CEP120: variants seen among roughly 807,000 people sequenced by gnomAD.
CEP120 encodes the protein centrosomal protein 120.
In CEP120, 113 loss-of-function variants were observed where a neutral mutation model predicts 126.5. The observed-to-expected ratio is 0.89, with a 90% CI of 0.77 to 1.04. The LOEUF (loss-of-function observed/expected upper bound fraction) is 1.04. Among genes scored for constraint, CEP120 ranks in the 50% least tolerant of loss-of-function variants. The probability of loss-of-function intolerance (pLI) is 0.00; values close to 1 mark genes in which losing one functional copy is unlikely to be tolerated. For synonymous variants in CEP120, 400 were observed against 394.3 expected, an observed-to-expected ratio of 1.01 and a Z score of -0.17; for missense variants, 1,230 against 1,155.7, an observed-to-expected ratio of 1.06 and a Z score of -0.93.
rs1272142030 is a variant in CEP120 at position 123,344,946 on chromosome 5, A to G, written c.*1573T>C. The G allele has an allele frequency of 2.6e-5, 4 of 152,190 alleles. No homozygotes were observed. The highest frequency in any genetic ancestry group is 1.5e-5 in the Non-Finnish European group (1 of 68,028). The allele number at this position is 152,190 out of a possible 1,614,324, so 9.4% of individuals were successfully genotyped here. A position where few individuals can be genotyped will look rare whatever the true frequency, so the allele number is the denominator to read the frequency against. On this transcript the variant is annotated 3_prime_UTR_variant, in exon 20 of 20. Coordinates refer to ENST00000306467, the MANE Select transcript of CEP120 (RefSeq NM_001375405.1). Reference sequence around the variant, plus strand: ...TTACAATAGCCAAAAGAGCTTTACAAAAGGCAAAATAAACTACACATCCAT... The same window carrying G: ...TTACAATAGCCAAAAGAGCTTTACAGAAGGCAAAATAAACTACACATCCAT...
intron 18 of CEP120, among the ~76,000 whole-genome samples, chr5:123,359,467 G>A (rs924070490): frequency 6.6e-6 from 1 of 152,034 alleles, no homozygotes; most frequent in Non-Finnish European, 1.5e-5. Flanking sequence ...GCACAAGTAG[G>A]AAAGCAGACA....
At position 123,349,953 on chromosome 5, in the gene CEP120, T is replaced by C; in HGVS notation, c.2717A>G (p.Glu906Gly). ...ERQELLDIRN[E>G]LNRLRQQEQK... ...CTTTTAGTTATTATACCTGTTCAAT[T>C]CATTTCTTATATCCAACAATTCTTG... The change falls in exon 19 of 20, where the codon GAA becomes GGA. Residue 906 changes from glutamate to glycine, a missense_variant. Physicochemically the swap from Glu to Gly is moderately conservative, Grantham distance 98. Coordinates refer to ENST00000306467, the MANE Select transcript of CEP120 (RefSeq NM_001375405.1). 1.9e-6 allele frequency: 3 copies of C among 1,613,322 alleles called. No individual in the cohort carries two copies. Among genetic ancestry groups the C allele is most frequent in the Non-Finnish European group, 2.5e-6 (3 of 1,179,742 alleles).
intron 4 of CEP120, chr5:123,402,171 C>A: frequency 1.9e-6 from 3 of 1,580,464 alleles, no homozygotes; most frequent in South Asian, 2.2e-5. Context: ...TCCCATGCCG[C>A]TGGCCCCACC....
At chr5:123,377,666 AT>A (rs1771334790) in intron 15 of CEP120, 131 bp from the exon 16 acceptor site, 3 of 687,586 alleles carry the variant, frequency 4.4e-6, no homozygotes, top group Admixed American at 3.3e-5. Flanking sequence ...TTTTTTAGTT[AT>A]TAGAGAGTTA....
intron 4 of CEP120, among the ~76,000 whole-genome samples, chr5:123,409,219 A>C (rs994192573): frequency 6.6e-6 from 1 of 152,236 alleles, no homozygotes; most frequent in Non-Finnish European, 1.5e-5. Flanking sequence ...AGTATTTGAC[A>C]AAATCCATTA....
Position 123,391,157 on chromosome 5 carries a change from T to C in CEP120, c.991A>G (p.Thr331Ala), listed in dbSNP as rs372144017. 2.5e-6 allele frequency: 4 copies of C among 1,614,054 alleles called. No homozygotes were observed. The highest frequency in any genetic ancestry group is 1.7e-5 in the Admixed American group (1 of 59,994). ...LAPIPVELAP[T>A]VGVSVALQRE... The stretch of plus-strand genomic sequence containing the variant: ...TGCAGAGCCACAGACACTCCCACAG[T>C]TGGGGCTAGCTCCACAGGAATAGGT... Residue 331 changes from threonine (T) to alanine (A), a missense_variant, in exon 7 of 20, where the codon ACT becomes GCT. Physicochemically the swap from Thr to Ala is moderately conservative, Grantham distance 58 (BLOSUM62 0). Coordinates refer to ENST00000306467, the MANE Select transcript of CEP120 (RefSeq NM_001375405.1).
intron 10 of CEP120, among the ~76,000 whole-genome samples, chr5:123,386,255 T>C (rs914154943): frequency 1.2e-4 from 19 of 152,114 alleles, no homozygotes; most frequent in Admixed American, 2.6e-4. Flanking sequence ...CCTCATTACA[T>C]ATAGTTTGTT....
At chr5:123,351,865 T>G (rs903989326) in intron 18 of CEP120, among the ~76,000 whole-genome samples, 3 of 152,154 alleles carry the variant, frequency 2.0e-5, no homozygotes, top group South Asian at 2.1e-4. Context: ...CATTTCCGAT[T>G]AGGGATGTTC....
chr5:123,392,659 C>T (rs1421708861), intron 6 of CEP120, among the ~76,000 whole-genome samples: 3 of 152,100 alleles, frequency 2.0e-5, no homozygotes, highest in Admixed American at 6.6e-5. Context: ...TACAGGCACA[C>T]ACCACTATGT....
At chr5:123,374,020 C>T (rs529079445) in intron 16 of CEP120, among the ~76,000 whole-genome samples, 2 of 151,896 alleles carry the variant, frequency 1.3e-5, no homozygotes, top group Admixed American at 1.3e-4. Flanking sequence ...AATCCTGACC[C>T]CCTGCCAAAA....
At chr5:123,361,467 G>C (rs1175310949) in intron 18 of CEP120, among the ~76,000 whole-genome samples, 1 of 151,784 alleles carries the variant, frequency 6.6e-6, no homozygotes, top group Non-Finnish European at 1.5e-5. Context: ...AAAGAATGAA[G>C]TAACTACAGA....
At position 123,388,603 on chromosome 5, in the gene CEP120, C is replaced by A. The variant is rs751286843; in HGVS notation, c.1259G>T (p.Ser420Ile). Residue 420 changes from serine (S) to isoleucine (I), a missense_variant, in exon 9 of 20, where the codon AGT (serine) becomes ATT (isoleucine). By Grantham distance (142) the Ser-to-Ile change is moderately radical. Coordinates refer to ENST00000306467, the MANE Select transcript of CEP120 (RefSeq NM_001375405.1). ...GGCCAGTGAAGCAGGTACAGAAGAA[C>A]TGGCTGAAATGAACATAAAATAAAA... ...DKDTKPNPKASSSVPASLAQL... is the reference protein window; with the variant it reads ...DKDTKPNPKAISSVPASLAQL... 5.1e-6 allele frequency: 8 copies of A among 1,567,784 alleles called. No homozygotes were observed. The South Asian group carries it at 6.0e-5, about 12-fold the overall frequency.
intron 1 of CEP120, among the ~76,000 whole-genome samples, chr5:123,420,694 G>A (rs866278353): frequency 2.8e-4 from 42 of 152,140 alleles, no homozygotes; most frequent in African/African-American, 9.9e-4. Flanking sequence ...AGATGTTTCT[G>A]GAAAGGAAGA....
intron 1 of CEP120, among the ~76,000 whole-genome samples, chr5:123,421,385 C>G (rs1774702254): frequency 6.6e-6 from 1 of 152,204 alleles, no homozygotes; most frequent in South Asian, 2.1e-4. Context: ...TCACTTGAAA[C>G]TCTGTATTAG....
intron 4 of CEP120, chr5:123,401,842 T>C: frequency 6.6e-7 from 1 of 1,512,306 alleles, no homozygotes; most frequent in Non-Finnish European, 9.1e-7. Flanking sequence ...AGCCCCTACA[T>C]GTTGCCAAGC....
At chr5:123,369,449 C>G (rs1363239059) in intron 17 of CEP120, among the ~76,000 whole-genome samples, 1 of 151,958 alleles carries the variant, frequency 6.6e-6, no homozygotes, top group Non-Finnish European at 1.5e-5. Flanking sequence ...TACTATAACT[C>G]TATTAGAATA....
chr5:123,359,291 C>A (rs112815728), intron 18 of CEP120, among the ~76,000 whole-genome samples: 10 of 152,120 alleles, frequency 6.6e-5, no homozygotes, highest in African/African-American at 2.4e-4. Context: ...AACAAACATA[C>A]CTACTCTGAA....
chr5:123,402,649 G>C (rs893024476), intron 4 of CEP120, among the ~76,000 whole-genome samples: 13 of 152,194 alleles, frequency 8.5e-5, no homozygotes, highest in African/African-American at 3.1e-4. Flanking sequence ...CTGGCCTCAA[G>C]TGATCCACCT....
intron 1 of CEP120, among the ~76,000 whole-genome samples, chr5:123,419,658 T>G (rs34332857): frequency 0.27 from 41,681 of 151,804 alleles, 5,889 homozygotes; most frequent in East Asian, 0.43. Flanking sequence ...TCAGGAAATA[T>G]TCAAATATTC....
Sources: allele counts gnomAD v4.1 joint callset (sites outside exome capture counted in the v4.1 genomes callset), GRCh38; gene constraint gnomAD v4.1.1; transcripts MANE v1.5; gene names NCBI Gene and HGNC (gene_info 2026-07-23, HGNC 2026-07-21).